DNAAF11: variants seen among roughly 807,000 people sequenced by gnomAD.
The protein encoded by DNAAF11 is leucine rich repeat containing 6.
DNAAF11 carries 45 observed loss-of-function variants against 60.8 expected under a neutral mutation model. The observed-to-expected ratio is 0.74, with a 90% CI of 0.58 to 0.95. The LOEUF is 0.95. DNAAF11 is among the 40% of genes least tolerant of loss of function. The probability of loss-of-function intolerance (pLI) is 0.00; values close to 1 mark genes in which losing one functional copy is unlikely to be tolerated. For missense variants in DNAAF11, 546 were observed against 546.2 expected (o/e 1.00, Z 0.00); for synonymous variants, 191 against 183.5 (o/e 1.04, Z -0.33).
chr8:132,652,694 G>C (rs763559538), intron 3 of DNAAF11, among the ~76,000 whole-genome samples: 1 of 152,074 alleles, frequency 6.6e-6, no homozygotes, highest in Non-Finnish European at 1.5e-5. Context: ...CACAAGAACA[G>C]AAAACCAAAC....
chr8:132,692,786 T>C, the DNAAF11 span, among the ~76,000 whole-genome samples: 2 of 152,142 alleles, frequency 1.3e-5, no homozygotes, highest in African/African-American at 2.4e-5. Context: ...CAAGCATTAC[T>C]CATTCCTGAC....
intron 1 of DNAAF11, among the ~76,000 whole-genome samples, chr8:132,663,018 C>T (rs1300662482): frequency 4.6e-5 from 7 of 152,140 alleles, no homozygotes; most frequent in Non-Finnish European, 7.3e-5. Flanking sequence ...TAAGAAGGAC[C>T]AGAGCAATGT....
At chr8:132,635,011 T>A (rs765453032) in intron 4 of DNAAF11, among the ~76,000 whole-genome samples, 24 of 152,260 alleles carry the variant, frequency 1.6e-4, no homozygotes, top group Non-Finnish European at 3.2e-4. Context: ...AGAACTACAT[T>A]CCTAAAAGGC....
At chr8:132,624,670 T>A (rs1159955802) in intron 6 of DNAAF11, among the ~76,000 whole-genome samples, 1 of 152,130 alleles carries the variant, frequency 6.6e-6, no homozygotes, top group African/African-American at 2.4e-5. Context: ...AGTATTCCCA[T>A]AAGTTATATA....
intron 7 of DNAAF11, among the ~76,000 whole-genome samples, chr8:132,618,781 T>G (rs1279223843): frequency 1.3e-5 from 2 of 152,124 alleles, no homozygotes; most frequent in African/African-American, 2.4e-5. Context: ...TGGCTATCAT[T>G]AAAAAGTCAG....
At chr8:132,662,138 A>G (rs552428280) in intron 1 of DNAAF11, among the ~76,000 whole-genome samples, 64 of 152,350 alleles carry the variant, frequency 4.2e-4, no homozygotes, top group African/African-American at 1.5e-3. Flanking sequence ...TAAAAGAAAG[A>G]AAAGGAACGC....
At chr8:132,603,213 C>G (rs1222402416) in intron 10 of DNAAF11, among the ~76,000 whole-genome samples, 1 of 151,974 alleles carries the variant, frequency 6.6e-6, no homozygotes, top group East Asian at 1.9e-4. Context: ...GATTGTTGTT[C>G]CTTGTGACTT....
At chr8:132,700,256 G>A in the DNAAF11 span, among the ~76,000 whole-genome samples, 1 of 152,142 alleles carries the variant, frequency 6.6e-6, no homozygotes, top group Non-Finnish European at 1.5e-5. Context: ...GTTCCTCAGA[G>A]ACTCCTTGAC....
intron 3 of DNAAF11, among the ~76,000 whole-genome samples, chr8:132,639,044 T>C (rs576576386): frequency 2.6e-4 from 39 of 152,338 alleles, no homozygotes; most frequent in African/African-American, 8.7e-4. Flanking sequence ...CGATGACTCA[T>C]GTAAAGCGCT....
chr8:132,674,147 A>AGAGGAGGAGAAGGAGGAGGAGGAGAAG lies in DNAAF11; in HGVS notation c.10+1336_10+1337insCTTCTCCTCCTCCTCCTTCTCCTCCTC, dbSNP rs1825503617. 6.2e-4 allele frequency among the ~76,000 whole-genome samples: 20 copies of AGAGGAGGAGAAGGAGGAGGAGGAGAAG among 32,124 alleles called. 2 individuals carry two copies. Among genetic ancestry groups the AGAGGAGGAGAAGGAGGAGGAGGAGAAG allele is most frequent in the African/African-American group, 2.8e-3 (20 of 7,042 alleles). The allele number at this position is 32,124 out of a possible 152,430, so 21.1% of individuals were successfully genotyped here. A position where few individuals can be genotyped will look rare whatever the true frequency, so the allele number is the denominator to read the frequency against. On this transcript the variant is annotated intron_variant, in intron 1 of 11. Coordinates refer to ENST00000620350, the MANE Select transcript of DNAAF11 (RefSeq NM_012472.6). ...AGGAGGAGGAGGAGAAGGAGGAGGA[A>AGAGGAGGAGAAGGAGGAGGAGGAGAAG]GAGGAGGAGGAGAAGGAGAAGGAGG...
At chr8:132,585,397 A>G (rs1398853365) in intron 10 of DNAAF11, among the ~76,000 whole-genome samples, 3 of 152,112 alleles carry the variant, frequency 2.0e-5, no homozygotes, top group Admixed American at 2.0e-4. Context: ...TCCTCTTTCC[A>G]TGGGTCTCAT....
rs1821470019 is a variant in DNAAF11, at chr8:132,637,988, CA to C, written c.375del (p.Cys125TrpfsTer12). On this transcript the variant is annotated frameshift_variant, in exon 4 of 12. Coordinates refer to ENST00000620350, the MANE Select transcript of DNAAF11 (RefSeq NM_012472.6). LOFTEE classifies it high-confidence loss of function. Reference protein sequence around the residue: ...LKELFLMGNPCASFDHYREFV... With the variant: ...LKELFLMGNPXASFDHYREFV... ...AACTCCCTATAGTGGTCAAAGGAAG[CA>C]CATGGGTTCCCCATGAGAAAGAGCT... 1 of 1,613,972 alleles carries C rather than the reference CA, an allele frequency of 6.2e-7. No individual in the cohort carries two copies. Among genetic ancestry groups the C allele is most frequent in the South Asian group, 1.1e-5 (1 of 91,090 alleles).
chr8:132,593,359 A>T (rs898554517), intron 10 of DNAAF11, among the ~76,000 whole-genome samples: 1 of 145,042 alleles, frequency 6.9e-6, no homozygotes. Flanking sequence ...ATATATATAT[A>T]TATTTATATG....
At chr8:132,635,882 G>A (rs1323839004) in intron 4 of DNAAF11, among the ~76,000 whole-genome samples, 4 of 152,042 alleles carry the variant, frequency 2.6e-5, no homozygotes, top group African/African-American at 9.7e-5. Context: ...AGACCCTCAG[G>A]GTAATGTGTC....
At chr8:132,593,196 T>G (rs942377408) in intron 10 of DNAAF11, among the ~76,000 whole-genome samples, 13 of 151,614 alleles carry the variant, frequency 8.6e-5, no homozygotes, top group African/African-American at 2.9e-4. Context: ...AATCCAACAG[T>G]ATCTCATACG....
chr8:132,687,527 G>C, the DNAAF11 span: 1 of 446,538 alleles, frequency 2.2e-6, no homozygotes, highest in Non-Finnish European at 4.5e-6. Context: ...GCTTCAGACA[G>C]ACAGCTGTAA....
chr8:132,679,149 AT>A (rs1825829467), upstream of DNAAF11, among the ~76,000 whole-genome samples: 1 of 152,220 alleles, frequency 6.6e-6, no homozygotes, highest in Non-Finnish European at 1.5e-5. Flanking sequence ...GTGAATCAGA[AT>A]TTTGTGCCTA....
At chr8:132,594,837 C>A (rs559458009) in intron 10 of DNAAF11, among the ~76,000 whole-genome samples, 1 of 152,290 alleles carries the variant, frequency 6.6e-6, no homozygotes, top group East Asian at 1.9e-4. Context: ...ATTACCCAGT[C>A]TGGGGCAGTT....
chr8:132,662,908 T>A (rs1348757579), intron 1 of DNAAF11, among the ~76,000 whole-genome samples: 1 of 152,250 alleles, frequency 6.6e-6, no homozygotes, highest in Non-Finnish European at 1.5e-5. Flanking sequence ...TTTTATTAAA[T>A]GTAAAAACAT....
Sources: allele counts gnomAD v4.1 joint callset (sites outside exome capture counted in the v4.1 genomes callset), GRCh38; gene constraint gnomAD v4.1.1; transcripts MANE v1.5; gene names NCBI Gene and HGNC (gene_info 2026-07-23, HGNC 2026-07-21).